The following RBFOX1 variants were observed in gnomAD, a reference collection of about 807,000 sequenced individuals.
The protein encoded by RBFOX1 is RNA binding protein fox-1 homolog 1.
RBFOX1 carries 8 observed loss-of-function variants against 57.7 expected under a neutral mutation model. That is an observed-to-expected ratio of 0.14 (90% CI 0.08 to 0.25). RBFOX1 has a LOEUF of 0.25. RBFOX1 is among the 10% of genes least tolerant of loss of function. RBFOX1 has a pLI of 1.00. For synonymous variants in RBFOX1, 326 were observed against 222.4 expected, an observed-to-expected ratio of 1.47 and a Z score of -4.15; for missense variants, 611 against 548.5, an observed-to-expected ratio of 1.11 and a Z score of -1.14.
In RBFOX1 at chr16:6,937,953, C is replaced by T. The variant is rs72772299; in HGVS notation, c.-15-114104C>T. Among the ~76,000 whole-genome samples, 146 of 116,920 alleles carry T rather than the reference C, an allele frequency of 1.2e-3. 1 individual carries two copies. Among genetic ancestry groups the T allele is most frequent in the Admixed American group, 4.2e-3 (31 of 7,468 alleles). 76.7% of individuals were successfully genotyped at this position (116,920 alleles called of 152,430 possible). A position where few individuals can be genotyped will look rare whatever the true frequency, so the allele number is the denominator to read the frequency against. On this transcript the variant is annotated intron_variant, in intron 3 of 15. Transcript: ENST00000550418. ...TCAGCTCAACTTTGGAATGCCCTGG[C>T]TGAGAGGAGAGGTCCATTTAGATGG...
intron 3 of RBFOX1, among the ~76,000 whole-genome samples, chr16:6,957,060 A>G (rs763597684): frequency 3.4e-4 from 48 of 139,934 alleles, no homozygotes; most frequent in Non-Finnish European, 5.7e-4. Context: ...AGAGCAGCCC[A>G]AGGGCTGCTG....
chr16:6,622,840 A>C (rs1288929300), intron 2 of RBFOX1, among the ~76,000 whole-genome samples: 3 of 152,186 alleles, frequency 2.0e-5, no homozygotes, highest in Non-Finnish European at 2.9e-5. Context: ...CACAGAGCAA[A>C]TGTGAAATTT....
chr16:6,454,051 T>C (rs1470106591), intron 2 of RBFOX1, among the ~76,000 whole-genome samples: 1 of 152,230 alleles, frequency 6.6e-6, no homozygotes, highest in Non-Finnish European at 1.5e-5. Flanking sequence ...TCACATGGTC[T>C]TTCTGTGTCT....
chr16:5,465,178 G>A (rs941374247), intron 1 of RBFOX1, among the ~76,000 whole-genome samples: 2 of 152,174 alleles, frequency 1.3e-5, no homozygotes, highest in Admixed American at 1.3e-4. Context: ...AGATCGAGGT[G>A]TCAGCAGGAT....
intron 2 of RBFOX1, among the ~76,000 whole-genome samples, chr16:6,652,673 A>T (rs189299266): frequency 2.6e-5 from 4 of 152,152 alleles, no homozygotes; most frequent in African/African-American, 9.7e-5. Context: ...TTTTTATGGC[A>T]TTCCTAGCCG....
At chr16:6,111,899 C>T (rs181018192) in intron 1 of RBFOX1, among the ~76,000 whole-genome samples, 15 of 152,194 alleles carry the variant, frequency 9.9e-5, no homozygotes, top group Admixed American at 2.0e-4. Context: ...TATAAATAAT[C>T]CATATACAAT....
chr16:6,532,836 G>A (rs201261308), intron 2 of RBFOX1, among the ~76,000 whole-genome samples: 2 of 152,138 alleles, frequency 1.3e-5, no homozygotes, highest in South Asian at 4.2e-4. Context: ...ATGTGAGAAG[G>A]CAAAGATCTC....
At chr16:6,967,813 G>A (rs1224519846) in intron 3 of RBFOX1, among the ~76,000 whole-genome samples, 1 of 152,106 alleles carries the variant, frequency 6.6e-6, no homozygotes, top group African/African-American at 2.4e-5. Context: ...CTGAAACTAA[G>A]AATGTAAGGG....
At chr16:7,181,573 CTCTT>C (rs2082721069) in intron 4 of RBFOX1, among the ~76,000 whole-genome samples, 1 of 151,812 alleles carries the variant, frequency 6.6e-6, no homozygotes, top group African/African-American at 2.4e-5. Context: ...CTCTCTTCCT[CTCTT>C]TCTCGCTTGC....
intron 13 of RBFOX1, chr16:7,671,685 G>GA (rs1255801374): frequency 2.9e-5 from 36 of 1,238,292 alleles, no homozygotes; most frequent in Non-Finnish European, 3.8e-5. Context: ...ATTCTGGGGA[G>GA]GGGAACAGTT....
chr16:7,378,467 C>G lies in RBFOX1; in HGVS notation c.28-139680C>G, dbSNP rs141951228. Among the ~76,000 whole-genome samples, 551 of 152,268 alleles carry G rather than the reference C, an allele frequency of 3.6e-3. 4 individuals are homozygous for G. Among genetic ancestry groups the G allele is most frequent in the African/African-American group, 0.013 (528 of 41,546 alleles). On this transcript the variant is annotated intron_variant, in intron 4 of 15. Coordinates refer to ENST00000550418, the MANE Select transcript of RBFOX1 (RefSeq NM_018723.4). The stretch of plus-strand genomic sequence containing the variant: ...ATCGCAGAACTGCTGTCTTCCAAGC[C>G]TTCTGAGCCGGCTGGTACTTGTGTA...
At chr16:5,266,058 T>C (rs1156359830) in intron 1 of RBFOX1, among the ~76,000 whole-genome samples, 2 of 151,814 alleles carry the variant, frequency 1.3e-5, no homozygotes, top group African/African-American at 2.4e-5. Context: ...AAAAAAACTC[T>C]GGATTTTCTT....
intron 4 of RBFOX1, among the ~76,000 whole-genome samples, chr16:7,125,830 C>T (rs575885978): frequency 6.6e-6 from 1 of 152,162 alleles, no homozygotes. Context: ...CACCTGTAAT[C>T]CCAGCACTTT....
chr16:5,267,827 A>G (rs1475448380), intron 1 of RBFOX1, among the ~76,000 whole-genome samples: 14 of 152,162 alleles, frequency 9.2e-5, no homozygotes, highest in African/African-American at 3.1e-4. Flanking sequence ...TATGCCTGTA[A>G]TCCCAGCACT....
chr16:6,351,660 C>T (rs1236720225), intron 2 of RBFOX1, among the ~76,000 whole-genome samples: 1 of 151,912 alleles, frequency 6.6e-6, no homozygotes, highest in Non-Finnish European at 1.5e-5. Context: ...AGGCATAAGC[C>T]ACCGCTCCCG....
intron 3 of RBFOX1, among the ~76,000 whole-genome samples, chr16:6,913,684 T>C (rs1169639426): frequency 6.6e-6 from 1 of 152,160 alleles, no homozygotes; most frequent in East Asian, 1.9e-4. Context: ...TAGACCTGGC[T>C]CCTTGCCTAG....
chr16:6,675,202 C>A (rs1312069162), intron 3 of RBFOX1, among the ~76,000 whole-genome samples: 2 of 152,204 alleles, frequency 1.3e-5, no homozygotes, highest in Non-Finnish European at 2.9e-5. Context: ...CTGCGCCCGG[C>A]CCATTTCTGT....
chr16:7,352,963 G>C (rs977975514), intron 4 of RBFOX1, among the ~76,000 whole-genome samples: 1 of 152,038 alleles, frequency 6.6e-6, no homozygotes, highest in African/African-American at 2.4e-5. Context: ...TGATCTGCTT[G>C]GCTTGGCCTC....
chr16:7,071,268 C>T (rs1275348763), intron 4 of RBFOX1, among the ~76,000 whole-genome samples: 1 of 152,002 alleles, frequency 6.6e-6, no homozygotes, highest in East Asian at 1.9e-4. Flanking sequence ...TAATGTCTTG[C>T]TCTCAAGGGC....
Sources: gnomAD v4.1 joint callset for allele counts (sites outside exome capture counted in the v4.1 genomes callset) on GRCh38, gnomAD v4.1.1 for gene constraint, MANE v1.5 for transcripts, NCBI Gene and HGNC (gene_info 2026-07-23, HGNC 2026-07-21) for gene names.